Variants in DPYSL3 observed in about 807,000 individuals in gnomAD.
DPYSL3 encodes dihydropyrimidinase-related protein 3.
Under a neutral mutation model 66.1 loss-of-function variants are expected in DPYSL3, and 16 were observed. That is an observed-to-expected ratio of 0.24 (90% CI 0.16 to 0.37). The LOEUF (loss-of-function observed/expected upper bound fraction) is 0.37. DPYSL3 is among the 10% of genes least tolerant of loss of function. The pLI is 1.00. For missense variants in DPYSL3, 738 were observed against 916.2 expected (o/e 0.81, Z 2.51); for synonymous variants, 338 against 345.1 (o/e 0.98, Z 0.23).
In DPYSL3 at chr5:147,509,572, C is replaced by T. The variant is rs866705821; in HGVS notation, c.287G>A (p.Arg96Lys). ...PRRGQGREES[R>K]EPAPASPAPA... The stretch of plus-strand genomic sequence containing the variant: ...GGCGGGGGAGGCGGGCGCGGGCTCC[C>T]TGCTCTCTTCCCGGCCTTGGCCCCT... The change falls in exon 1 of 14, where the codon AGG becomes AAG. Residue 96 changes from arginine to lysine, a missense_variant. By Grantham distance (26) the Arg-to-Lys change is conservative (BLOSUM62 2). Coordinates refer to ENST00000343218, the MANE Select transcript of DPYSL3 (RefSeq NM_001197294.2). The surrounding 1 kb of genome is among the most constrained non-coding windows in gnomAD (Gnocchi z 5.3). The T allele has an allele frequency of 6.5e-7, 1 of 1,535,210 alleles. No individual in the cohort carries two copies. The highest frequency in any genetic ancestry group is 2.0e-5 in the Admixed American group (1 of 50,950).
Position 147,509,680 on chromosome 5 carries a change from C to T in DPYSL3, c.179G>A (p.Arg60Gln), listed in dbSNP as rs1229645083. Residue 60 changes from arginine (R) to glutamine (Q), a missense_variant, in exon 1 of 14, where the codon CGG becomes CAG. Coordinates refer to ENST00000343218, the MANE Select transcript of DPYSL3 (RefSeq NM_001197294.2). This position sits in a 1 kb window ranked among gnomAD's most constrained non-coding sequence, Gnocchi z 5.3. ...LDFDALSVGQ[R>Q]GAKTPRSGQG... The stretch of plus-strand genomic sequence containing the variant: ...GCCGCTCCGAGGAGTCTTCGCGCCC[C>T]GCTGCCCCACGCTGAGGGCATCGAA... 6 of 1,535,758 alleles carry T rather than the reference C, an allele frequency of 3.9e-6. No homozygotes were observed. Among genetic ancestry groups the T allele is most frequent in the African/African-American group, 1.4e-5 (1 of 73,038 alleles).
intron 1 of DPYSL3, among the ~76,000 whole-genome samples, chr5:147,485,468 T>A (rs1455379885): frequency 1.3e-5 from 2 of 152,208 alleles, no homozygotes; most frequent in Non-Finnish European, 2.9e-5. Flanking sequence ...TTCCATCATA[T>A]GAATATGACA....
At chr5:147,439,868 G>C (rs1206701942) in intron 1 of DPYSL3, among the ~76,000 whole-genome samples, 1 of 152,190 alleles carries the variant, frequency 6.6e-6, no homozygotes, top group Non-Finnish European at 1.5e-5. Context: ...TACCTTGACT[G>C]TGTCATTACT....
intron 1 of DPYSL3, among the ~76,000 whole-genome samples, chr5:147,465,527 T>C (rs1752997365): frequency 6.6e-6 from 1 of 152,170 alleles, no homozygotes; most frequent in Admixed American, 6.5e-5. Context: ...CTCAAGCCCC[T>C]GACCTCAGGT....
intron 1 of DPYSL3, among the ~76,000 whole-genome samples, chr5:147,494,624 G>C (rs781741487): frequency 2.6e-5 from 4 of 151,248 alleles, no homozygotes; most frequent in African/African-American, 7.3e-5. Flanking sequence ...CCAGCACTTT[G>C]GGAGGCCGAG....
chr5:147,404,109 ACTT>A (rs1350103800), intron 8 of DPYSL3, among the ~76,000 whole-genome samples: 9 of 152,028 alleles, frequency 5.9e-5, no homozygotes, highest in Non-Finnish European at 1.2e-4. Flanking sequence ...GTTCCTACAC[ACTT>A]CTTCTTTTTC....
intron 1 of DPYSL3, among the ~76,000 whole-genome samples, chr5:147,465,682 C>T (rs1752999595): frequency 6.6e-6 from 1 of 152,184 alleles, no homozygotes; most frequent in African/African-American, 2.4e-5. Flanking sequence ...AAAGCCCCGC[C>T]GACCCAGGGC....
intron 1 of DPYSL3, among the ~76,000 whole-genome samples, chr5:147,439,567 G>C (rs1561788665): frequency 6.6e-6 from 1 of 152,170 alleles, no homozygotes; most frequent in African/African-American, 2.4e-5. Flanking sequence ...GGAGATATTT[G>C]AGCAGGGGAG....
intron 1 of DPYSL3, among the ~76,000 whole-genome samples, chr5:147,497,645 T>G (rs1166359079): frequency 6.6e-6 from 1 of 150,784 alleles, no homozygotes; most frequent in Non-Finnish European, 1.5e-5. Flanking sequence ...AGAAGAAAAA[T>G]CACATGGTCA....
At chr5:147,459,606 A>C (rs1347003163) in intron 1 of DPYSL3, among the ~76,000 whole-genome samples, 1 of 152,228 alleles carries the variant, frequency 6.6e-6, no homozygotes, top group Non-Finnish European at 1.5e-5. Context: ...AAACCAAAAA[A>C]AAAAAAATTA....
chr5:147,400,669 C>T, intron 10 of DPYSL3, 23 bp downstream of exon 10: 1 of 1,610,270 alleles, frequency 6.2e-7, no homozygotes, highest in Non-Finnish European at 8.5e-7. Flanking sequence ...TCTGGCCACC[C>T]TCCCATGACC....
intron 1 of DPYSL3, among the ~76,000 whole-genome samples, chr5:147,446,082 C>T (rs115476455): frequency 7.2e-5 from 11 of 152,306 alleles, no homozygotes; most frequent in African/African-American, 2.6e-4. Flanking sequence ...CCACTTTCTC[C>T]CTACTCTCTT....
chr5:147,449,460 A>C (rs886749945), intron 1 of DPYSL3, among the ~76,000 whole-genome samples: 3 of 152,232 alleles, frequency 2.0e-5, no homozygotes, highest in African/African-American at 7.2e-5. Flanking sequence ...TGTTTACAGA[A>C]ATCCAATCAG....
At chr5:147,411,925 T>A (rs28691592) in intron 6 of DPYSL3, among the ~76,000 whole-genome samples, 4,446 of 152,326 alleles carry the variant, frequency 0.029, 219 homozygotes, top group African/African-American at 0.096. Context: ...CTCACTCTTT[T>A]TTTTTCGGGC....
At chr5:147,477,871 C>T (rs1309678086) in intron 1 of DPYSL3, among the ~76,000 whole-genome samples, 2 of 151,964 alleles carry the variant, frequency 1.3e-5, no homozygotes, top group South Asian at 2.1e-4. Context: ...CGTGAGCCAC[C>T]GCGCCCGGCC....
chr5:147,464,008 G>A (rs1374924480), intron 1 of DPYSL3, among the ~76,000 whole-genome samples: 2 of 151,518 alleles, frequency 1.3e-5, no homozygotes, highest in African/African-American at 4.9e-5. Flanking sequence ...AACATCACAT[G>A]AGACCAATGG....
At chr5:147,443,351 G>C (rs1752569891) in intron 1 of DPYSL3, among the ~76,000 whole-genome samples, 1 of 152,140 alleles carries the variant, frequency 6.6e-6, no homozygotes, top group Non-Finnish European at 1.5e-5. Context: ...GAAGCTAGAA[G>C]CCATCGTTCT....
intron 8 of DPYSL3, among the ~76,000 whole-genome samples, chr5:147,404,989 G>C (rs953084453): frequency 2.6e-5 from 4 of 152,146 alleles, no homozygotes; most frequent in South Asian, 4.1e-4. Context: ...AGTGCTCCTA[G>C]GGACTTTTGC....
At chr5:147,413,110 A>G (rs1219707055) in intron 5 of DPYSL3, among the ~76,000 whole-genome samples, 1 of 152,206 alleles carries the variant, frequency 6.6e-6, no homozygotes. Context: ...GAAGGCAGAC[A>G]TACCTTCACC....
Sources: allele counts gnomAD v4.1 joint callset (sites outside exome capture counted in the v4.1 genomes callset), GRCh38; gene constraint gnomAD v4.1.1; non-coding constraint Gnocchi (gnomAD v3.1); transcripts MANE v1.5; gene names NCBI Gene and HGNC (gene_info 2026-07-23, HGNC 2026-07-21).